ECE2: variants seen among roughly 807,000 people sequenced by gnomAD.
The protein encoded by ECE2 is endothelin-converting enzyme 2.
In ECE2, 81 loss-of-function variants were observed where a neutral mutation model predicts 100.6. The ratio of observed to expected loss-of-function variants is 0.81; its 90% CI spans 0.67 to 0.97. The LOEUF (loss-of-function observed/expected upper bound fraction) is 0.97, where lower values mean the gene tolerates loss of function less well. ECE2 is among the 50% of genes least tolerant of loss of function. ECE2 has a pLI of 0.00. For synonymous variants in ECE2, 391 were observed against 391.5 expected (o/e 1.00, Z 0.02); for missense variants, 911 against 988.1 (o/e 0.92, Z 1.05).
intron 4 of ECE2, among the ~76,000 whole-genome samples, 191 bp from the exon 5 acceptor site, chr3:184,277,734 C>G (rs1287896861): frequency 6.6e-6 from 1 of 152,218 alleles, no homozygotes; most frequent in African/African-American, 2.4e-5. Flanking sequence ...GGAGCCTGTA[C>G]TGCTTAGATA....
rs996608867 is a variant in ECE2, at chr3:184,287,944, A to T, written c.1371A>T (p.Glu457Asp). 3.7e-6 allele frequency: 6 copies of T among 1,613,662 alleles called. No individual in the cohort carries two copies. Among genetic ancestry groups the T allele is most frequent in the Non-Finnish European group, 4.2e-6 (5 of 1,179,726 alleles). Residue 457 changes from glutamate (E) to aspartate (D), a missense_variant, in exon 11 of 19, where the codon GAA (glutamate) becomes GAT (aspartate). Glu to Asp is a conservative substitution (Grantham distance 45). Coordinates refer to ENST00000404464, the MANE Select transcript of ECE2 (RefSeq NM_001100121.2). ...VKATFDRQSK[E>D]IAEGMISEIR... ...CCACGTTTGACCGGCAAAGCAAAGA[A>T]ATTGTGAGTCTACAAGATTCTTTCA...
chr3:184,286,679 C>A (rs1721046678), intron 10 of ECE2, among the ~76,000 whole-genome samples: 1 of 151,480 alleles, frequency 6.6e-6, no homozygotes, highest in South Asian at 2.1e-4. Flanking sequence ...TGGCAAGCAA[C>A]TGTAATCCCA....
At chr3:184,277,493 G>A in intron 4 of ECE2, 27 bp downstream of exon 4, 1 of 1,611,096 alleles carries the variant, frequency 6.2e-7, no homozygotes, top group Non-Finnish European at 8.5e-7. Flanking sequence ...GGGAGGCCTT[G>A]GGCCACCTAT....
chr3:184,289,849 C>A lies in ECE2; in HGVS notation c.1551+131C>A. ...TTCTTTTAGAGGCAGATGGAGGTAA[C>A]CAGCATTGTTAAAATGTTGGCTCTG... On this transcript the variant is annotated intron_variant, in intron 13 of 18. Coordinates refer to ENST00000404464, the MANE Select transcript of ECE2 (RefSeq NM_001100121.2). This position sits in a 1 kb window ranked among gnomAD's most constrained non-coding sequence, Gnocchi z 4.1. 1.4e-5 allele frequency: 11 copies of A among 778,850 alleles called. No individual in the cohort carries two copies. The South Asian group carries it at 2.2e-4, about 15-fold the overall frequency. The allele number at this position is 778,850 out of a possible 1,614,324, so 48.2% of individuals were successfully genotyped here. A position where few individuals can be genotyped will look rare whatever the true frequency, so the allele number is the denominator to read the frequency against.
In ECE2 at chr3:184,283,904, C is replaced by G; in HGVS notation, c.936C>G (p.Ile312Met). The G allele has an allele frequency of 6.2e-7, 1 of 1,613,996 alleles. No homozygotes were observed. The highest frequency in any genetic ancestry group is 1.1e-5 in the South Asian group (1 of 91,076). The change falls in exon 8 of 19, where the codon ATC (isoleucine) becomes ATG (methionine). Residue 312 changes from isoleucine to methionine, a missense_variant. Physicochemically the swap from Ile to Met is conservative, Grantham distance 10. Coordinates refer to ENST00000404464, the MANE Select transcript of ECE2 (RefSeq NM_001100121.2). ...VLELEIQLAN[I>M]TVPQDQRRDE... ...AGTTGGAGATACAGCTGGCCAACAT[C>G]ACAGTGCCCCAGGACCAGCGGCGCG...
Position 184,278,212 on chromosome 3 carries a change from A to C in ECE2, c.649A>C (p.Met217Leu), listed in dbSNP as rs551884150. The change falls in exon 6 of 19, where the codon ATG (methionine) becomes CTG (leucine). Residue 217 changes from methionine to leucine, a missense_variant. Transcript: ENST00000404464. ...GGGGCCCTGGGACCAGGACAACTTTATGGAGGTGTTGAAGGCAGTAGCAGG... is the reference window on the plus strand; with the variant it reads ...GGGGCCCTGGGACCAGGACAACTTTCTGGAGGTGTTGAAGGCAGTAGCAGG... The part of the protein sequence containing the change: ...ITGPWDQDNF[M>L]EVLKAVAGTY... 2.5e-6 allele frequency: 4 copies of C among 1,614,100 alleles called. No individual in the cohort carries two copies. The highest frequency in any genetic ancestry group is 2.2e-5 in the South Asian group (2 of 91,082).
chr3:184,277,950 T>G lies in ECE2; in HGVS notation c.504T>G (p.Ser168Arg). 1 of 1,612,734 alleles carries G rather than the reference T, an allele frequency of 6.2e-7. No homozygotes were observed. The highest frequency in any genetic ancestry group is 8.5e-7 in the Non-Finnish European group (1 of 1,179,962). ...AAAACACCACCTTCAACTCCAGCAG[T>G]GAAGCTGAGCAGAAGACACAGCGCT... Reference protein sequence around the residue: ...LLENTTFNSSSEAEQKTQRFY... With the variant: ...LLENTTFNSSREAEQKTQRFY... The change falls in exon 5 of 19, where the codon AGT (serine) becomes AGG (arginine). Residue 168 changes from serine (S) to arginine (R), a missense_variant. Coordinates refer to ENST00000404464, the MANE Select transcript of ECE2 (RefSeq NM_001100121.2).
intron 8 of ECE2, among the ~76,000 whole-genome samples, chr3:184,284,653 G>T (rs1720956001): frequency 6.6e-6 from 1 of 152,158 alleles, no homozygotes; most frequent in Non-Finnish European, 1.5e-5. Flanking sequence ...GATGGAGTGT[G>T]GTTCTGGAGG....
chr3:184,276,372 C>T, intron 1 of ECE2, 109 bp from the exon 2 acceptor site: 2 of 1,444,784 alleles, frequency 1.4e-6, no homozygotes, highest in Non-Finnish European at 1.9e-6. Context: ...AAGGGAAGGG[C>T]CCTCTTAGCA....
intron 8 of ECE2, among the ~76,000 whole-genome samples, chr3:184,284,570 G>T (rs1290270087): frequency 6.6e-6 from 1 of 151,208 alleles, no homozygotes; most frequent in Non-Finnish European, 1.5e-5. Context: ...AAATAGAAGT[G>T]AAAGTTTCCA....
Position 184,277,567 on chromosome 3 carries a change from T to C in ECE2, c.478+101T>C. The C allele has an allele frequency of 3.9e-6, 5 of 1,292,300 alleles. No individual in the cohort carries two copies. The South Asian group carries it at 6.8e-5, about 18-fold the overall frequency. 80.1% of individuals were successfully genotyped at this position (1,292,300 alleles called of 1,614,324 possible). A position where few individuals can be genotyped will look rare whatever the true frequency, so the allele number is the denominator to read the frequency against. On this transcript the variant is annotated intron_variant, in intron 4 of 18. Coordinates refer to ENST00000404464, the MANE Select transcript of ECE2 (RefSeq NM_001100121.2). ...TAGGCAGTGTCCATGAATGAGGAAG[T>C]GGATGGTTCTGTGAACACTCCAGAG... is the stretch of plus-strand genomic sequence containing the variant.
intron 7 of ECE2, among the ~76,000 whole-genome samples, chr3:184,279,656 C>CA (rs10652404): frequency 0.013 from 1,702 of 128,106 alleles, 27 homozygotes; most frequent in Non-Finnish European, 0.016. Flanking sequence ...GACTTCATCT[C>CA]AAAAAAAAAA....
intron 7 of ECE2, among the ~76,000 whole-genome samples, chr3:184,281,539 T>C (rs1302221428): frequency 6.6e-6 from 1 of 152,178 alleles, no homozygotes; most frequent in Non-Finnish European, 1.5e-5. Flanking sequence ...TGCAGGAGCA[T>C]TGTGGGCCAA....
In ECE2 at chr3:184,290,586, C is replaced by T; in HGVS notation, c.1685C>T (p.Ala562Val). Reference sequence around the variant, plus strand: ...AGCATGACCCCCCAGACAGTGAATGCCTACTACCTTCCAACTAAGAATGAG... The same window carrying T: ...AGCATGACCCCCCAGACAGTGAATGTCTACTACCTTCCAACTAAGAATGAG... ...QWSMTPQTVNAYYLPTKNEIV... is the reference protein window; with the variant it reads ...QWSMTPQTVNVYYLPTKNEIV... The change falls in exon 15 of 19, where the codon GCC becomes GTC. Residue 562 changes from alanine to valine, a missense_variant. Physicochemically the swap from Ala to Val is moderately conservative, Grantham distance 64. Coordinates refer to ENST00000404464, the MANE Select transcript of ECE2 (RefSeq NM_001100121.2). 1 of 1,614,176 alleles carries T rather than the reference C, an allele frequency of 6.2e-7. No individual in the cohort carries two copies. The highest frequency in any genetic ancestry group is 8.5e-7 in the Non-Finnish European group (1 of 1,180,028).
At chr3:184,278,806 G>A in intron 7 of ECE2, 1 of 542,074 alleles carries the variant, frequency 1.8e-6, no homozygotes, top group Non-Finnish European at 3.3e-6. Context: ...GGTCCAGTGG[G>A]GGAATTCTGA....
At position 184,283,827 on chromosome 3, in the gene ECE2, C is replaced by T. The variant is rs767670493; in HGVS notation, c.859C>T (p.Leu287=). The T allele has an allele frequency of 1.2e-6, 2 of 1,613,884 alleles. No individual in the cohort carries two copies. The highest frequency in any genetic ancestry group is 1.1e-5 in the South Asian group (1 of 91,050). The change falls in exon 8 of 19, where the codon CTG becomes TTG. Residue 287 remains leucine (L), a synonymous_variant. Transcript: ENST00000404464. ...GGATTACATGGAGGAACTGGGGATG[C>T]TGCTGGGTGGGCGGCCCACCTCCAC... ...YLDYMEELGM[L]LGGRPTSTRE...
rs1679895250 is a variant in ECE2 at position 184,290,293 on chromosome 3, G to C, written c.1590G>C (p.Leu530Phe). Residue 530 changes from leucine to phenylalanine, a missense_variant, in exon 14 of 19, where the codon TTG becomes TTC. By Grantham distance (22) the Leu-to-Phe change is conservative. Coordinates refer to ENST00000404464, the MANE Select transcript of ECE2 (RefSeq NM_001100121.2). ...AAGATTCTTTCTTCCAAAACATGTTGAATTTGTACAACTTCTCTGCCAAGG... is the reference window on the plus strand; with the variant it reads ...AAGATTCTTTCTTCCAAAACATGTTCAATTTGTACAACTTCTCTGCCAAGG... Reference protein sequence around the residue: ...ISEDSFFQNMLNLYNFSAKVM... With the variant: ...ISEDSFFQNMFNLYNFSAKVM... 4 of 1,614,042 alleles carry C rather than the reference G, an allele frequency of 2.5e-6. No homozygotes were observed. The highest frequency in any genetic ancestry group is 3.4e-6 in the Non-Finnish European group (4 of 1,179,998).
rs936142349 is a variant in ECE2, at chr3:184,276,034, G to T, written c.-120G>T. ...GGGGGGGGCGGCCGCGGCCGAGCGG[G>T]GGTGCTGCGCGGCGGCCGTGATGGC... On this transcript the variant is annotated 5_prime_UTR_variant, in exon 1 of 19. Transcript: ENST00000404464. The T allele has an allele frequency of 1.4e-5, 16 of 1,107,624 alleles. No individual in the cohort carries two copies. Among genetic ancestry groups the T allele is most frequent in the African/African-American group, 1.7e-5 (1 of 60,284 alleles). 68.6% of individuals were successfully genotyped at this position (1,107,624 alleles called of 1,614,324 possible). A position where few individuals can be genotyped will look rare whatever the true frequency, so the allele number is the denominator to read the frequency against.
chr3:184,279,309 CAA>C (rs60647349), intron 7 of ECE2, among the ~76,000 whole-genome samples: 40 of 79,138 alleles, frequency 5.1e-4, no homozygotes, highest in African/African-American at 1.1e-3. Flanking sequence ...GACTCCGACT[CAA>C]AAAAAAAAAA....
Sources: allele counts gnomAD v4.1 joint callset (sites outside exome capture counted in the v4.1 genomes callset), GRCh38; gene constraint gnomAD v4.1.1; non-coding constraint Gnocchi (gnomAD v3.1); transcripts MANE v1.5; gene names NCBI Gene and HGNC (gene_info 2026-07-23, HGNC 2026-07-21).